The following TMEM117 variants were observed in gnomAD, a reference collection of about 807,000 sequenced individuals.
TMEM117 encodes transmembrane protein 117.
TMEM117 carries 27 observed loss-of-function variants against 52.4 expected under a neutral mutation model. The ratio of observed to expected loss-of-function variants is 0.51; its 90% CI spans 0.38 to 0.71. The LOEUF is 0.71. TMEM117 is among the 30% of genes least tolerant of loss of function. The probability of loss-of-function intolerance (pLI) is 0.00; values close to 1 mark genes in which losing one functional copy is unlikely to be tolerated. For synonymous variants in TMEM117, 215 were observed against 206.3 expected (o/e 1.04, Z -0.36); for missense variants, 556 against 630.5 (o/e 0.88, Z 1.26).
intron 4 of TMEM117, among the ~76,000 whole-genome samples, chr12:44,185,817 C>T (rs1273477185): frequency 6.6e-6 from 1 of 150,962 alleles, no homozygotes; most frequent in African/African-American, 2.4e-5. Flanking sequence ...CTGGTTAATG[C>T]TGAAGATGAA....
At chr12:44,081,793 C>T (rs1947485417) in intron 3 of TMEM117, among the ~76,000 whole-genome samples, 1 of 151,924 alleles carries the variant, frequency 6.6e-6, no homozygotes, top group South Asian at 2.1e-4. Flanking sequence ...TTACTGGAAG[C>T]CTTGTAAATT....
intron 3 of TMEM117, among the ~76,000 whole-genome samples, chr12:43,959,678 C>T (rs76787248): frequency 0.04 from 6,046 of 152,122 alleles, 173 homozygotes; most frequent in Non-Finnish European, 0.062. Context: ...CCGGTAGCTT[C>T]CTTCCAAGGA....
In TMEM117 at chr12:44,282,201, A is replaced by T. The variant is rs544729535; in HGVS notation, c.609-17379A>T. ...CCACGTGGAACTGTAAGTCCAATTA[A>T]ACATCTTTTTCTTCCCCGTCTCAGG... On this transcript the variant is annotated intron_variant, in intron 5 of 7. Transcript: ENST00000266534. Among the ~76,000 whole-genome samples, 5 of 152,288 alleles carry T rather than the reference A, an allele frequency of 3.3e-5. No individual in the cohort carries two copies. The South Asian group carries it at 8.3e-4, about 25-fold the overall frequency.
chr12:43,918,496 A>G (rs1236818057), intron 2 of TMEM117, among the ~76,000 whole-genome samples: 1 of 152,238 alleles, frequency 6.6e-6, no homozygotes, highest in Non-Finnish European at 1.5e-5. Flanking sequence ...TTATTTCACC[A>G]TGCTAATTCT....
chr12:44,364,315 T>A (rs2138817258), intron 6 of TMEM117, among the ~76,000 whole-genome samples: 1 of 152,238 alleles, frequency 6.6e-6, no homozygotes, highest in South Asian at 2.1e-4. Context: ...TATACTGAGG[T>A]AGCATAAAAT....
At chr12:44,278,996 T>C (rs187359290) in intron 5 of TMEM117, among the ~76,000 whole-genome samples, 219 of 152,374 alleles carry the variant, frequency 1.4e-3, no homozygotes, top group African/African-American at 5.0e-3. Context: ...CATGATAGTC[T>C]TCTCTACCTA....
intron 3 of TMEM117, among the ~76,000 whole-genome samples, chr12:43,961,437 G>A (rs1945401832): frequency 6.6e-6 from 1 of 152,078 alleles, no homozygotes; most frequent in Non-Finnish European, 1.5e-5. Flanking sequence ...AAAGTCTTAT[G>A]CCATAGTACT....
the TMEM117 span, among the ~76,000 whole-genome samples, chr12:43,819,658 C>A: frequency 0.13 from 19,502 of 152,016 alleles, 1,480 homozygotes; most frequent in Middle Eastern, 0.21. Context: ...CTGTAGTCCC[C>A]GCTACTCTTC....
intron 3 of TMEM117, among the ~76,000 whole-genome samples, chr12:43,954,272 A>G (rs1464524342): frequency 6.6e-6 from 1 of 152,220 alleles, no homozygotes; most frequent in African/African-American, 2.4e-5. Flanking sequence ...CAAATCTCAT[A>G]GTTAGCAGAA....
intron 3 of TMEM117, among the ~76,000 whole-genome samples, chr12:44,125,309 G>T (rs1022349911): frequency 8.6e-5 from 13 of 151,908 alleles, no homozygotes; most frequent in African/African-American, 2.9e-4. Context: ...GGGTTTCACC[G>T]TGTTAGCCAG....
intron 2 of TMEM117, among the ~76,000 whole-genome samples, chr12:43,885,548 A>G (rs1456930450): frequency 3.3e-5 from 5 of 151,900 alleles, no homozygotes; most frequent in Admixed American, 6.6e-5. Flanking sequence ...CAGTATCTAT[A>G]ATTTACCATT....
At chr12:43,838,000 G>C (rs1255928333) in intron 1 of TMEM117, among the ~76,000 whole-genome samples, 1 of 152,160 alleles carries the variant, frequency 6.6e-6, no homozygotes, top group Non-Finnish European at 1.5e-5. Flanking sequence ...GAATCTATCA[G>C]AACCACTTAT....
chr12:44,145,015 G>C (rs1948622679), intron 4 of TMEM117, among the ~76,000 whole-genome samples: 1 of 152,138 alleles, frequency 6.6e-6, no homozygotes. Context: ...AAATTAGCCA[G>C]GCGTGGTGGC....
At chr12:43,811,268 C>G in the TMEM117 span, among the ~76,000 whole-genome samples, 1 of 152,100 alleles carries the variant, frequency 6.6e-6, no homozygotes, top group African/African-American at 2.4e-5. Flanking sequence ...TTTCTATTTC[C>G]CTTCCCCACC....
intron 6 of TMEM117, among the ~76,000 whole-genome samples, chr12:44,341,801 A>G (rs182814521): frequency 6.6e-6 from 1 of 152,294 alleles, no homozygotes; most frequent in East Asian, 1.9e-4. Context: ...TATTGAATCT[A>G]GAAGAGTCAG....
intron 6 of TMEM117, among the ~76,000 whole-genome samples, chr12:44,360,766 A>G (rs528095291): frequency 6.6e-6 from 1 of 152,282 alleles, no homozygotes; most frequent in East Asian, 1.9e-4. Flanking sequence ...ATACAGCCTT[A>G]ACCATGGACT....
chr12:44,009,381 G>T, intron 3 of TMEM117: 1 of 200,336 alleles, frequency 5.0e-6, no homozygotes. Context: ...GTCTTCTCAG[G>T]AGGATGCAAT....
intron 4 of TMEM117, among the ~76,000 whole-genome samples, chr12:44,150,975 C>T (rs975011345): frequency 6.6e-6 from 1 of 151,982 alleles, no homozygotes; most frequent in Non-Finnish European, 1.5e-5. Flanking sequence ...TCAAATAATT[C>T]CATAGTATGT....
chr12:43,919,494 A>G (rs1376687508), intron 2 of TMEM117, among the ~76,000 whole-genome samples: 1 of 152,148 alleles, frequency 6.6e-6, no homozygotes, highest in Non-Finnish European at 1.5e-5. Flanking sequence ...TGAATACTAT[A>G]TCATTGTGTG....
Sources: allele counts gnomAD v4.1 joint callset (sites outside exome capture counted in the v4.1 genomes callset), GRCh38; gene constraint gnomAD v4.1.1; transcripts MANE v1.5; gene names NCBI Gene and HGNC (gene_info 2026-07-23, HGNC 2026-07-21).